Variants in NUCB2 observed in about 807,000 individuals in gnomAD.
NUCB2 encodes nucleobindin 2, also known as nucleobindin-2.
Under a neutral mutation model 57.9 loss-of-function variants are expected in NUCB2, and 48 were observed. The ratio of observed to expected loss-of-function variants is 0.83; its 90% CI spans 0.66 to 1.05. The LOEUF (loss-of-function observed/expected upper bound fraction) is 1.05. Ranked by LOEUF, NUCB2 falls within the 50% of genes least tolerant of loss-of-function variation. The pLI, the probability that NUCB2 is intolerant of heterozygous loss-of-function variation, is 0.00. For synonymous variants in NUCB2, 139 were observed against 152.1 expected (o/e 0.91, Z 0.64); for missense variants, 442 against 476.2 (o/e 0.93, Z 0.67).
intron 2 of NUCB2, among the ~76,000 whole-genome samples, chr11:17,285,684 C>T (rs1246894298): frequency 7.3e-6 from 1 of 136,764 alleles, no homozygotes; most frequent in Non-Finnish European, 1.5e-5. Context: ...GCGGAGTTTG[C>T]AGTGAGCCAA....
At chr11:17,292,783 T>C (rs1043698886) in intron 2 of NUCB2, among the ~76,000 whole-genome samples, 1 of 152,214 alleles carries the variant, frequency 6.6e-6, no homozygotes, top group African/African-American at 2.4e-5. Context: ...TAAGAGTTGA[T>C]GCGTTAATAT....
Position 17,285,267 on chromosome 11 carries a change from AAC to A in NUCB2, c.-1+2326_-1+2327del, listed in dbSNP as rs571004863. Among the ~76,000 whole-genome samples, 318 of 151,794 alleles carry A rather than the reference AAC, an allele frequency of 2.1e-3. 1 individual carries two copies. Among genetic ancestry groups the A allele is most frequent in the Middle Eastern group, 0.01 (3 of 294 alleles). On this transcript the variant is annotated intron_variant, in intron 2 of 13. Coordinates refer to ENST00000529010, the MANE Select transcript of NUCB2 (RefSeq NM_005013.4). The stretch of plus-strand genomic sequence containing the variant: ...ATGGTGAAACCCCGTCTCTACTAAA[AAC>A]ATACAAAAAAATTAGCCGGGCGTGG...
chr11:17,297,645 TAGAG>T lies in NUCB2; in HGVS notation c.252+1436_252+1439del, dbSNP rs1946042239. Among the ~76,000 whole-genome samples, 5 of 152,194 alleles carry T rather than the reference TAGAG, an allele frequency of 3.3e-5. No individual in the cohort carries two copies. The South Asian group carries it at 1.0e-3, about 31-fold the overall frequency. ...AATGTGGATCATGGGAGATACTACATAGAGATATTCAGGCAAAAGAAGAAAATAA... is the reference window on the plus strand; with the variant it reads ...AATGTGGATCATGGGAGATACTACATATATTCAGGCAAAAGAAGAAAATAA... On this transcript the variant is annotated intron_variant, in intron 4 of 13. Coordinates refer to ENST00000529010, the MANE Select transcript of NUCB2 (RefSeq NM_005013.4).
intron 11 of NUCB2, among the ~76,000 whole-genome samples, chr11:17,316,281 T>C (rs766347813): frequency 2.0e-5 from 3 of 152,208 alleles, no homozygotes; most frequent in Non-Finnish European, 4.4e-5. Flanking sequence ...GTCATATTTA[T>C]GTATTTTTTA....
Position 17,320,357 on chromosome 11 carries a change from T to C in NUCB2, c.1002+4882T>C, listed in dbSNP as rs907839833. On this transcript the variant is annotated intron_variant, in intron 11 of 13. Transcript: ENST00000529010. ...AATCCATGCCTCTGTAAAATAAGAG[T>C]TTAAATTTTGTTTAGATTTTGTTGT... Among the ~76,000 whole-genome samples, 7 of 152,284 alleles carry C rather than the reference T, an allele frequency of 4.6e-5. No individual in the cohort carries two copies. In the East Asian group the frequency reaches 1.3e-3, roughly 29 times the overall value.
At chr11:17,311,413 G>C (rs1027264918) in intron 8 of NUCB2, 130 bp downstream of exon 8, 2 of 635,322 alleles carry the variant, frequency 3.1e-6, no homozygotes, top group African/African-American at 3.7e-5. Flanking sequence ...GTTTTTCTAG[G>C]GTAATATGAT....
chr11:17,309,670 A>G lies in NUCB2; in HGVS notation c.478A>G (p.Lys160Glu). The change falls in exon 6 of 14, where the codon AAA becomes GAA. Residue 160 changes from lysine (K) to glutamate (E), a missense_variant. Lys to Glu is a moderately conservative substitution (Grantham distance 56). Coordinates refer to ENST00000529010, the MANE Select transcript of NUCB2 (RefSeq NM_005013.4). ...FESTDLDMLI[K>E]AATSDLEHYD... ...ATCCACAGATTTAGATATGCTAATCAAAGCGGTGAGAATAATTCCAAAAAG... is the reference window on the plus strand; with the variant it reads ...ATCCACAGATTTAGATATGCTAATCGAAGCGGTGAGAATAATTCCAAAAAG... 6.3e-7 allele frequency: 1 copy of G among 1,586,058 alleles called. No homozygotes were observed. Among genetic ancestry groups the G allele is most frequent in the Non-Finnish European group, 8.6e-7 (1 of 1,169,104 alleles).
At chr11:17,344,612 C>T (rs1291602850) in intron 2 of NUCB2, among the ~76,000 whole-genome samples, 1 of 152,152 alleles carries the variant, frequency 6.6e-6, no homozygotes, top group Non-Finnish European at 1.5e-5. Flanking sequence ...TATTATCAGG[C>T]CTTTCAAACA....
intron 2 of NUCB2, among the ~76,000 whole-genome samples, chr11:17,347,063 G>A (rs1279119497): frequency 6.6e-6 from 1 of 152,170 alleles, no homozygotes; most frequent in Non-Finnish European, 1.5e-5. Flanking sequence ...CAAGGTGGTC[G>A]GGGCACAGCT....
chr11:17,291,409 G>C lies in NUCB2; in HGVS notation c.1-3915G>C, dbSNP rs767263438. The C allele has an allele frequency of 1.8e-5, 3 of 165,570 alleles. No homozygotes were observed. The South Asian group carries it at 4.4e-4, about 25-fold the overall frequency. 10.3% of individuals were successfully genotyped at this position (165,570 alleles called of 1,614,324 possible). A position where few individuals can be genotyped will look rare whatever the true frequency, so the allele number is the denominator to read the frequency against. On this transcript the variant is annotated intron_variant, in intron 2 of 13. Transcript: ENST00000529010. ...TAAAAATATAAAACTAGCTGGGCATGGTGGCCTACACCTGTAATCCCAGCT... is the reference window on the plus strand; with the variant it reads ...TAAAAATATAAAACTAGCTGGGCATCGTGGCCTACACCTGTAATCCCAGCT...
chr11:17,283,444 A>C (rs2137952611), intron 2 of NUCB2: 1 of 152,360 alleles, frequency 6.6e-6, no homozygotes, highest in East Asian at 1.9e-4. Context: ...CATGATATGA[A>C]TCTTTTTATC....
chr11:17,307,086 T>C (rs959360584), intron 5 of NUCB2, among the ~76,000 whole-genome samples: 6 of 152,142 alleles, frequency 3.9e-5, no homozygotes, highest in African/African-American at 2.4e-5. Flanking sequence ...ATTCTTTTTA[T>C]TGAAATGGAG....
intron 11 of NUCB2, among the ~76,000 whole-genome samples, chr11:17,328,064 G>A (rs1468565995): frequency 6.6e-6 from 1 of 152,196 alleles, no homozygotes; most frequent in African/African-American, 2.4e-5. Context: ...GTTTGTGCAT[G>A]TCCTTCTTTG....
At chr11:17,303,677 G>A (rs1158442543) in intron 5 of NUCB2, among the ~76,000 whole-genome samples, 3 of 152,118 alleles carry the variant, frequency 2.0e-5, no homozygotes, top group Non-Finnish European at 4.4e-5. Flanking sequence ...CTGAGGTCAG[G>A]AGATTGAGAC....
chr11:17,318,982 G>C (rs2139160789), intron 11 of NUCB2, among the ~76,000 whole-genome samples: 1 of 152,096 alleles, frequency 6.6e-6, no homozygotes, highest in African/African-American at 2.4e-5. Flanking sequence ...ACCAGTCTGG[G>C]CAATGTAATG....
intron 10 of NUCB2, among the ~76,000 whole-genome samples, chr11:17,313,625 T>C (rs2139002198): frequency 6.6e-6 from 1 of 152,238 alleles, no homozygotes; most frequent in Middle Eastern, 3.4e-3. Context: ...TTCAAGGAGT[T>C]GTCTATTCTT....
At chr11:17,345,818 A>T (rs1952687850) in intron 2 of NUCB2, among the ~76,000 whole-genome samples, 1 of 152,150 alleles carries the variant, frequency 6.6e-6, no homozygotes, top group African/African-American at 2.4e-5. Flanking sequence ...TTCTTGGCTT[A>T]TTTAGATATT....
At chr11:17,295,201 AT>A (rs67789971) in intron 2 of NUCB2, 122 bp from the exon 3 acceptor site, 130,983 of 712,376 alleles carry the variant, frequency 0.18, 11,860 homozygotes, top group Admixed American at 0.24. Flanking sequence ...CTTTCCTATA[AT>A]TTTTTTTTTG....
chr11:17,311,041 T>C, intron 7 of NUCB2, 31 bp downstream of exon 7: 1 of 1,518,762 alleles, frequency 6.6e-7, no homozygotes, highest in Non-Finnish European at 8.9e-7. Flanking sequence ...AAACCATTTT[T>C]AGATAAAGAT....
Sources: allele counts gnomAD v4.1 joint callset (sites outside exome capture counted in the v4.1 genomes callset), GRCh38; gene constraint gnomAD v4.1.1; transcripts MANE v1.5; gene names NCBI Gene and HGNC (gene_info 2026-07-23, HGNC 2026-07-21).